TSPAN18: variants seen among roughly 807,000 people sequenced by gnomAD.
TSPAN18 encodes the protein tetraspanin 18.
A neutral mutation model predicts 27.3 loss-of-function variants in TSPAN18; 14 were observed. The observed-to-expected ratio is 0.51, with a 90% CI of 0.34 to 0.80. The LOEUF is 0.80. TSPAN18 is among the 30% of genes least tolerant of loss of function. The pLI, the probability that TSPAN18 is intolerant of heterozygous loss-of-function variation, is 0.01. For missense variants in TSPAN18, 268 were observed against 323.9 expected (o/e 0.83, Z 1.32); for synonymous variants, 143 against 136.5 (o/e 1.05, Z -0.33).
At chr11:44,835,868 C>G (rs997912469) in intron 2 of TSPAN18, among the ~76,000 whole-genome samples, 2 of 152,086 alleles carry the variant, frequency 1.3e-5, no homozygotes, top group Non-Finnish European at 1.5e-5. Flanking sequence ...GATCTGTGAT[C>G]ACTGATCTTT....
chr11:44,863,812 G>A (rs759648364), intron 3 of TSPAN18, among the ~76,000 whole-genome samples: 14 of 152,168 alleles, frequency 9.2e-5, no homozygotes, highest in Non-Finnish European at 1.8e-4. Context: ...TCGTAAGACT[G>A]TGTGAAGATG....
chr11:44,771,488 C>T (rs1855688670), intron 2 of TSPAN18, among the ~76,000 whole-genome samples: 3 of 152,202 alleles, frequency 2.0e-5, no homozygotes. Flanking sequence ...TGATGCCTGA[C>T]ATAAAATGTG....
chr11:44,880,440 G>A (rs945109039), intron 3 of TSPAN18, among the ~76,000 whole-genome samples: 1 of 152,228 alleles, frequency 6.6e-6, no homozygotes, highest in Non-Finnish European at 1.5e-5. Context: ...GTAAAATGAG[G>A]ATGATAGTGA....
chr11:44,731,293 G>T (rs1010323002), intron 1 of TSPAN18, among the ~76,000 whole-genome samples: 2 of 152,166 alleles, frequency 1.3e-5, no homozygotes, highest in African/African-American at 2.4e-5. Flanking sequence ...GTGCGTGGTG[G>T]TTAAACTGCC....
chr11:44,850,185 T>C (rs1857567902), intron 2 of TSPAN18, among the ~76,000 whole-genome samples: 3 of 152,242 alleles, frequency 2.0e-5, no homozygotes, highest in African/African-American at 7.2e-5. Flanking sequence ...TCACCAGGGG[T>C]GCTTGTCCCC....
intron 2 of TSPAN18, among the ~76,000 whole-genome samples, chr11:44,808,813 C>T (rs1406989653): frequency 6.6e-6 from 1 of 152,102 alleles, no homozygotes; most frequent in Non-Finnish European, 1.5e-5. Flanking sequence ...GCTGATTATC[C>T]ATATTCGTAT....
At chr11:44,844,490 C>T (rs2135173330) in intron 2 of TSPAN18, among the ~76,000 whole-genome samples, 1 of 152,314 alleles carries the variant, frequency 6.6e-6, no homozygotes, top group South Asian at 2.1e-4. Flanking sequence ...CCTACCTCCT[C>T]ATCCACACTT....
At position 44,922,257 on chromosome 11, in the gene TSPAN18, C is replaced by T. The variant is rs561467637; in HGVS notation, c.615+2258C>T. On this transcript the variant is annotated intron_variant, in intron 8 of 9. Transcript: ENST00000520358. Reference sequence around the variant, plus strand: ...TCAACCTCTCAAGTAGCTGGGACTACAGGCACATGCCACCATACCCAGCTA... The same window carrying T: ...TCAACCTCTCAAGTAGCTGGGACTATAGGCACATGCCACCATACCCAGCTA... 2.0e-5 allele frequency among the ~76,000 whole-genome samples: 3 copies of T among 152,236 alleles called. No homozygotes were observed. In the South Asian group the frequency reaches 6.2e-4, roughly 32 times the overall value.
intron 3 of TSPAN18, among the ~76,000 whole-genome samples, chr11:44,870,275 C>T (rs1321910855): frequency 3.3e-5 from 5 of 152,200 alleles, no homozygotes; most frequent in Non-Finnish European, 5.9e-5. Context: ...CCCGGGCCAC[C>T]ACCAGTCTAC....
intron 3 of TSPAN18, among the ~76,000 whole-genome samples, chr11:44,900,228 G>T (rs1390621217): frequency 6.6e-6 from 1 of 152,250 alleles, no homozygotes; most frequent in African/African-American, 2.4e-5. Context: ...GAGCAGGCAA[G>T]CCCTGGTCTC....
chr11:44,860,383 C>G lies in TSPAN18; in HGVS notation c.-97C>G, dbSNP rs1412189455. ...CAGGTGAGCTGAGCTTCTAACACTA[C>G]CATCAAAGCAACTGGAACCCCTTGA... On this transcript the variant is annotated 5_prime_UTR_variant, in exon 3 of 10. Coordinates refer to ENST00000520358, the MANE Select transcript of TSPAN18 (RefSeq NM_130783.5). The G allele has an allele frequency of 1.3e-5, 2 of 152,230 alleles. No homozygotes were observed. Among genetic ancestry groups the G allele is most frequent in the African/African-American group, 4.8e-5 (2 of 41,462 alleles). The allele number at this position is 152,230 out of a possible 1,614,324, so 9.4% of individuals were successfully genotyped here. A position where few individuals can be genotyped will look rare whatever the true frequency, so the allele number is the denominator to read the frequency against.
intron 1 of TSPAN18, among the ~76,000 whole-genome samples, chr11:44,753,296 T>G (rs549299399): frequency 1.3e-5 from 2 of 152,168 alleles, no homozygotes; most frequent in Non-Finnish European, 2.9e-5. Context: ...CACACCCAGC[T>G]AATTTTTGTA....
chr11:44,852,814 G>C (rs981818872), intron 2 of TSPAN18, among the ~76,000 whole-genome samples: 1 of 152,202 alleles, frequency 6.6e-6, no homozygotes, highest in South Asian at 2.1e-4. Context: ...CAGGGGAAGG[G>C]GAAAGGAACC....
At chr11:44,833,205 G>T (rs956495789) in intron 2 of TSPAN18, among the ~76,000 whole-genome samples, 1 of 152,006 alleles carries the variant, frequency 6.6e-6, no homozygotes, top group African/African-American at 2.4e-5. Context: ...GTGAACCTGG[G>T]TTCAAATGCT....
chr11:44,905,792 G>A lies in TSPAN18; in HGVS notation c.-10-615G>A, dbSNP rs546368283. Among the ~76,000 whole-genome samples the A allele has an allele frequency of 5.3e-5, 8 of 152,366 alleles. No individual in the cohort carries two copies. The East Asian group carries it at 1.5e-3, about 29-fold the overall frequency. On this transcript the variant is annotated intron_variant, in intron 3 of 9. Transcript: ENST00000520358. ...GTGGGATGCTAGAGGTCTCAGAGTA[G>A]AGGTAGCCAAGGCTCAGGGAGGCTT...
Position 44,930,947 on chromosome 11 carries a change from C to T in TSPAN18, c.*1769C>T, listed in dbSNP as rs746565214. ...CCTCAGGCTTTCCAGTCACCAGGGA[C>T]ACTCGGAGCCACAGCCTAGAGCCCC... On this transcript the variant is annotated 3_prime_UTR_variant, in exon 10 of 10. Coordinates refer to ENST00000520358, the MANE Select transcript of TSPAN18 (RefSeq NM_130783.5). The T allele has an allele frequency of 7.8e-6, 4 of 510,414 alleles. No individual in the cohort carries two copies. The highest frequency in any genetic ancestry group is 4.2e-5 in the Admixed American group (2 of 48,010). The allele number at this position is 510,414 out of a possible 1,614,324, so 31.6% of individuals were successfully genotyped here.
chr11:44,924,710 T>A (rs1860282409), intron 8 of TSPAN18, among the ~76,000 whole-genome samples: 1 of 150,770 alleles, frequency 6.6e-6, no homozygotes, highest in Non-Finnish European at 1.5e-5. Context: ...GCTGTTATAG[T>A]TCTGCATTTT....
intron 5 of TSPAN18, 107 bp downstream of exon 5, chr11:44,910,006 A>G (rs1859648992): frequency 7.4e-7 from 1 of 1,348,334 alleles, no homozygotes; most frequent in Non-Finnish European, 9.9e-7. Context: ...AGTGCTTCCC[A>G]AACTGGGGCG....
At chr11:44,793,910 G>A (rs562713894) in intron 2 of TSPAN18, among the ~76,000 whole-genome samples, 5 of 152,014 alleles carry the variant, frequency 3.3e-5, no homozygotes, top group Admixed American at 2.0e-4. Flanking sequence ...AAGGGATGCC[G>A]TTTCCACGGC....
Sources: allele counts gnomAD v4.1 joint callset (sites outside exome capture counted in the v4.1 genomes callset), GRCh38; gene constraint gnomAD v4.1.1; transcripts MANE v1.5; gene names NCBI Gene and HGNC (gene_info 2026-07-23, HGNC 2026-07-21).